NAV1: variants seen among roughly 807,000 people sequenced by gnomAD.
NAV1 encodes the protein neuron navigator 1.
NAV1 carries 18 observed loss-of-function variants against 175.2 expected under a neutral mutation model. The observed-to-expected ratio is 0.10, with a 90% CI of 0.07 to 0.15. NAV1 has a LOEUF of 0.15. Ranked by LOEUF, NAV1 falls within the 10% of genes least tolerant of loss-of-function variation. The pLI is 1.00. For synonymous variants in NAV1, 897 were observed against 978.7 expected (o/e 0.92, Z 1.56); for missense variants, 1,731 against 2,436.6 (o/e 0.71, Z 6.10).
At chr1:201,626,188 C>T (rs952434085) in intron 1 of NAV1, among the ~76,000 whole-genome samples, 5 of 152,234 alleles carry the variant, frequency 3.3e-5, no homozygotes, top group Admixed American at 3.3e-4. Flanking sequence ...TGCCAAGGGC[C>T]AGGCTGGGCC....
intron 1 of NAV1, among the ~76,000 whole-genome samples, chr1:201,574,765 C>T (rs913235578): frequency 1.3e-5 from 2 of 152,198 alleles, no homozygotes; most frequent in Admixed American, 6.5e-5. Flanking sequence ...CCGTCACCAG[C>T]GTTGGGAGCC....
chr1:201,787,586 C>G lies in NAV1; in HGVS notation c.2996-882C>G. ...TTATGCTGCAGAATGAGGGGCTGGG[C>G]TAAGCAATAATTACCTCAGGAATTT... On this transcript the variant is annotated intron_variant, in intron 9 of 29. Transcript: ENST00000367296. The surrounding 1 kb of genome is among the most constrained non-coding windows in gnomAD (Gnocchi z 4.3). The G allele has an allele frequency of 1.6e-5, 7 of 450,060 alleles. No homozygotes were observed. The highest frequency in any genetic ancestry group is 9.5e-5 in the South Asian group (6 of 63,472). 27.9% of individuals were successfully genotyped at this position (450,060 alleles called of 1,614,324 possible).
At chr1:201,677,147 G>C (rs1393671881) in intron 1 of NAV1, among the ~76,000 whole-genome samples, 3 of 151,778 alleles carry the variant, frequency 2.0e-5, no homozygotes, top group Non-Finnish European at 2.9e-5. Context: ...AGCTACCCAG[G>C]AGGCTGAGGC....
chr1:201,596,322 G>A (rs1311230095), intron 2 of NAV1, among the ~76,000 whole-genome samples: 3 of 152,182 alleles, frequency 2.0e-5, no homozygotes, highest in Admixed American at 6.5e-5. Context: ...TTAGTCCAAG[G>A]GCTTCCTGAT....
intron 3 of NAV1, among the ~76,000 whole-genome samples, chr1:201,743,596 T>C (rs1673571375): frequency 6.6e-6 from 1 of 152,258 alleles, no homozygotes; most frequent in South Asian, 2.1e-4. Context: ...AGTGGAATTA[T>C]GACCACGTGA....
intron 3 of NAV1, among the ~76,000 whole-genome samples, chr1:201,745,201 C>T (rs1302698219): frequency 6.6e-6 from 1 of 152,166 alleles, no homozygotes; most frequent in Non-Finnish European, 1.5e-5. Flanking sequence ...AAGGCTCTGA[C>T]TCATGATTGG....
At position 201,811,768 on chromosome 1, in the gene NAV1, TG is replaced by T. The variant is rs1329659891; in HGVS notation, c.4952+14del. On this transcript the variant is annotated intron_variant, in intron 25 of 29. Coordinates refer to ENST00000367296, the Ensembl canonical transcript of NAV1. ...CAAGTATCATAAATGGTAAGTAAGC[TG>T]GGATCAAGACAAAATTCATCGAAGT... 2 of 1,603,376 alleles carry T rather than the reference TG, an allele frequency of 1.2e-6. No individual in the cohort carries two copies. The highest frequency in any genetic ancestry group is 8.5e-7 in the Non-Finnish European group (1 of 1,174,060).
chr1:201,793,522 T>C (rs1256997448), intron 13 of NAV1: 3 of 417,824 alleles, frequency 7.2e-6, no homozygotes, highest in Non-Finnish European at 1.3e-5. Flanking sequence ...AGTTGATAGG[T>C]TTTAGATCTC....
At chr1:201,776,640 CAAA>C (rs34504688) in intron 3 of NAV1, among the ~76,000 whole-genome samples, 11 of 97,088 alleles carry the variant, frequency 1.1e-4, no homozygotes, top group Non-Finnish European at 1.7e-4. Flanking sequence ...GACTCCATCT[CAAA>C]AAAAAAAAAA....
chr1:201,790,917 G>A (rs956608128), intron 13 of NAV1, 151 bp downstream of exon 17: 7 of 689,194 alleles, frequency 1.0e-5, no homozygotes, highest in East Asian at 5.4e-5. Context: ...GATAGAAGAC[G>A]AGGGGATTGT....
At chr1:201,650,326 A>G (rs1669146866) in intron 1 of NAV1, among the ~76,000 whole-genome samples, 1 of 152,154 alleles carries the variant, frequency 6.6e-6, no homozygotes, top group South Asian at 2.1e-4. Flanking sequence ...TCAGAGAGGA[A>G]TAGATCTGGG....
Position 201,740,008 on chromosome 1 carries a change from G to A in NAV1, c.1226+21253G>A. ...CTGGGTGCCCACCCGGTGAATGGCC[G>A]CCTGAGCCGGGGAAGATGCTTCATC... On this transcript the variant is annotated intron_variant, in intron 3 of 29. Transcript: ENST00000367296. The surrounding 1 kb of genome is among the most constrained non-coding windows in gnomAD (Gnocchi z 4.7). The A allele has an allele frequency of 2.0e-6, 3 of 1,470,084 alleles. No homozygotes were observed. Among genetic ancestry groups the A allele is most frequent in the Non-Finnish European group, 2.7e-6 (3 of 1,108,268 alleles). 91.1% of individuals were successfully genotyped at this position (1,470,084 alleles called of 1,614,324 possible). A position where few individuals can be genotyped will look rare whatever the true frequency, so the allele number is the denominator to read the frequency against.
chr1:201,656,359 G>A (rs1669402598), intron 1 of NAV1, among the ~76,000 whole-genome samples: 1 of 152,234 alleles, frequency 6.6e-6, no homozygotes, highest in Admixed American at 6.5e-5. Context: ...AGTATGCTGT[G>A]TGTGTTCCCA....
chr1:201,622,890 T>C (rs1015500236), upstream of NAV1: 29 of 986,008 alleles, frequency 2.9e-5, no homozygotes, highest in South Asian at 1.1e-3. Context: ...AGACCATGAA[T>C]GGGATGGCCA....
chr1:201,781,248 C>G, exon 5 of NAV1: 2 of 1,613,878 alleles, frequency 1.2e-6, no homozygotes, highest in Non-Finnish European at 1.7e-6. Flanking sequence ...AGGGCAAGAC[C>G]CCACCTGTGG....
chr1:201,795,901 C>A (rs932866688), intron 15 of NAV1: 2 of 152,044 alleles, frequency 1.3e-5, no homozygotes, highest in Non-Finnish European at 2.9e-5. Flanking sequence ...GCGCATGCCA[C>A]CATGCCTGGC....
At chr1:201,672,741 C>G (rs183135577) in intron 1 of NAV1, among the ~76,000 whole-genome samples, 17 of 152,298 alleles carry the variant, frequency 1.1e-4, no homozygotes, top group African/African-American at 4.1e-4. Context: ...ACATGATGCT[C>G]TAAGAAAGCC....
Position 201,803,724 on chromosome 1 carries a change from G to C in NAV1, c.3639+10G>C. On this transcript the variant is annotated intron_variant, in intron 16 of 29. Transcript: ENST00000367296. The stretch of plus-strand genomic sequence containing the variant: ...GAAAAAAAAGAGTTGGGTAGGTAAA[G>C]GTTTGGGGGGTGGGAAGTAGGTAGA... The C allele has an allele frequency of 6.8e-7, 1 of 1,464,574 alleles. No homozygotes were observed. Among genetic ancestry groups the C allele is most frequent in the Non-Finnish European group, 9.0e-7 (1 of 1,110,838 alleles). 90.7% of individuals were successfully genotyped at this position (1,464,574 alleles called of 1,614,324 possible).
chr1:201,607,684 G>T (rs1667723385), intron 2 of NAV1, among the ~76,000 whole-genome samples: 1 of 150,674 alleles, frequency 6.6e-6, no homozygotes, highest in African/African-American at 2.4e-5. Flanking sequence ...TAGAGACAGG[G>T]TTTCACCATG....
Sources: gnomAD v4.1 joint callset for allele counts (sites outside exome capture counted in the v4.1 genomes callset) on GRCh38, gnomAD v4.1.1 for gene constraint, Gnocchi (gnomAD v3.1) non-coding constraint, MANE v1.5 for transcripts, NCBI Gene and HGNC (gene_info 2026-07-23, HGNC 2026-07-21) for gene names.